PDCD1LG2: variants seen among roughly 807,000 people sequenced by gnomAD.
PDCD1LG2 encodes the protein programmed cell death 1 ligand 2.
A neutral mutation model predicts 28.2 loss-of-function variants in PDCD1LG2; 32 were observed. The observed-to-expected ratio is 1.13, with a 90% CI of 0.86 to 1.52. The LOEUF is 1.52. Ranked by LOEUF, PDCD1LG2 falls within the 40% of genes most tolerant of loss-of-function variation. PDCD1LG2 has a pLI of 0.00. For synonymous variants in PDCD1LG2, 116 were observed against 120.2 expected (o/e 0.97, Z 0.23); for missense variants, 385 against 323.8 (o/e 1.19, Z -1.45).
intron 3 of PDCD1LG2, among the ~76,000 whole-genome samples, chr9:5,548,712 T>C (rs1816261095): frequency 6.6e-6 from 1 of 152,202 alleles, no homozygotes; most frequent in African/African-American, 2.4e-5. Flanking sequence ...TGTATCTGCA[T>C]GTGTTAGGGA....
At chr9:5,565,372 TG>T (rs1329123631) in intron 6 of PDCD1LG2, among the ~76,000 whole-genome samples, 1 of 152,096 alleles carries the variant, frequency 6.6e-6, no homozygotes, top group Non-Finnish European at 1.5e-5. Context: ...TTTGTAGAAC[TG>T]GGGTCTCACT....
At chr9:5,514,926 G>C (rs540340417) in intron 1 of PDCD1LG2, among the ~76,000 whole-genome samples, 1 of 152,278 alleles carries the variant, frequency 6.6e-6, no homozygotes, top group Admixed American at 6.5e-5. Flanking sequence ...AGGTAGCCCT[G>C]AGTGAGTCTT....
At chr9:5,564,383 T>A (rs1257646346) in intron 6 of PDCD1LG2, among the ~76,000 whole-genome samples, 1 of 152,194 alleles carries the variant, frequency 6.6e-6, no homozygotes, top group Non-Finnish European at 1.5e-5. Flanking sequence ...AATGAATATC[T>A]GAGTAAATCT....
chr9:5,539,314 A>C (rs1037629907), intron 3 of PDCD1LG2, among the ~76,000 whole-genome samples: 2 of 152,198 alleles, frequency 1.3e-5, no homozygotes, highest in African/African-American at 2.4e-5. Context: ...CAGGGTCTCT[A>C]AAAGAAGCAA....
intron 6 of PDCD1LG2, among the ~76,000 whole-genome samples, chr9:5,568,494 C>T (rs1816710105): frequency 6.6e-6 from 1 of 152,176 alleles, no homozygotes. Context: ...CTATAGCCTA[C>T]CCCCACTCCC....
chr9:5,522,388 A>G (rs1193993436), intron 1 of PDCD1LG2, 145 bp from the exon 2 acceptor site: 2 of 582,956 alleles, frequency 3.4e-6, no homozygotes, highest in Non-Finnish European at 3.1e-6. Flanking sequence ...AAATCAACCT[A>G]TAACTTCTCC....
intron 5 of PDCD1LG2, among the ~76,000 whole-genome samples, chr9:5,560,372 T>G (rs566736656): frequency 6.6e-6 from 1 of 152,366 alleles, no homozygotes; most frequent in African/African-American, 2.4e-5. Flanking sequence ...GCCCTGGTTT[T>G]GAGCAGTTGC....
chr9:5,519,417 C>T (rs1166380905), intron 1 of PDCD1LG2, among the ~76,000 whole-genome samples: 1 of 152,160 alleles, frequency 6.6e-6, no homozygotes, highest in Non-Finnish European at 1.5e-5. Context: ...CCTTCAGGGT[C>T]AGCAAGGCCC....
intron 3 of PDCD1LG2, among the ~76,000 whole-genome samples, chr9:5,538,164 T>C (rs964386795): frequency 6.6e-6 from 1 of 152,144 alleles, no homozygotes; most frequent in South Asian, 2.1e-4. Flanking sequence ...ATTGAATAGA[T>C]TAGGTTCCTT....
intron 3 of PDCD1LG2, among the ~76,000 whole-genome samples, chr9:5,546,477 G>T (rs569918972): frequency 6.0e-4 from 91 of 152,262 alleles, no homozygotes; most frequent in South Asian, 2.7e-3. Flanking sequence ...ACACACTTCG[G>T]GTACTGTTTG....
chr9:5,529,300 G>C (rs1820437988), intron 2 of PDCD1LG2, among the ~76,000 whole-genome samples: 1 of 152,076 alleles, frequency 6.6e-6, no homozygotes, highest in Non-Finnish European at 1.5e-5. Context: ...TATATGTAAG[G>C]TTTATAATCC....
At chr9:5,521,664 T>G (rs1820277415) in intron 1 of PDCD1LG2, among the ~76,000 whole-genome samples, 1 of 152,182 alleles carries the variant, frequency 6.6e-6, no homozygotes. Context: ...TGAGGTTCTA[T>G]CATTCTCCTG....
chr9:5,539,845 C>G (rs547317344), intron 3 of PDCD1LG2, among the ~76,000 whole-genome samples: 5 of 152,302 alleles, frequency 3.3e-5, no homozygotes, highest in African/African-American at 1.2e-4. Flanking sequence ...GACAGAAGTA[C>G]TTCAAACCAG....
chr9:5,534,140 G>GGAA (rs1820534213), intron 2 of PDCD1LG2, among the ~76,000 whole-genome samples: 1 of 151,992 alleles, frequency 6.6e-6, no homozygotes, highest in Non-Finnish European at 1.5e-5. Flanking sequence ...CTGGCTTCTG[G>GGAA]GAAGAAGCTC....
chr9:5,522,401 C>T (rs1820292423), intron 1 of PDCD1LG2, 132 bp from the exon 2 acceptor site: 3 of 618,778 alleles, frequency 4.8e-6, no homozygotes, highest in African/African-American at 1.9e-5. Flanking sequence ...ACTTCTCCTC[C>T]CAGCTCCACT....
At chr9:5,543,744 C>T (rs1480000075) in intron 3 of PDCD1LG2, among the ~76,000 whole-genome samples, 3 of 152,014 alleles carry the variant, frequency 2.0e-5, no homozygotes, top group Non-Finnish European at 4.4e-5. Context: ...GTAAGAAAAT[C>T]GGAGTCAAGA....
chr9:5,541,552 A>G (rs1820686125), intron 3 of PDCD1LG2, among the ~76,000 whole-genome samples: 2 of 152,060 alleles, frequency 1.3e-5, no homozygotes, highest in South Asian at 4.1e-4. Context: ...GCTCTGCTAT[A>G]CACCAACATC....
In PDCD1LG2 at chr9:5,570,453, C is replaced by T. The variant is rs748836467; in HGVS notation, c.*494C>T. On this transcript the variant is annotated 3_prime_UTR_variant, in exon 7 of 7. Coordinates refer to ENST00000397747, the MANE Select transcript of PDCD1LG2 (RefSeq NM_025239.4). ...TCACAGACAGGGCTTCGCACAAACTCAAATCATAATTGACATGTTTTATGG... is the reference window on the plus strand; with the variant it reads ...TCACAGACAGGGCTTCGCACAAACTTAAATCATAATTGACATGTTTTATGG... 1.3e-5 allele frequency: 3 copies of T among 234,332 alleles called. No individual in the cohort carries two copies. In the Admixed American group the frequency reaches 1.7e-4, roughly 13 times the overall value. 14.5% of individuals were successfully genotyped at this position (234,332 alleles called of 1,614,324 possible). A position where few individuals can be genotyped will look rare whatever the true frequency, so the allele number is the denominator to read the frequency against.
At chr9:5,525,772 G>A (rs570003536) in intron 2 of PDCD1LG2, among the ~76,000 whole-genome samples, 7 of 152,080 alleles carry the variant, frequency 4.6e-5, no homozygotes, top group Non-Finnish European at 1.0e-4. Flanking sequence ...GAAGAGGCCG[G>A]GCATGGTGGC....
Sources: allele counts gnomAD v4.1 joint callset (sites outside exome capture counted in the v4.1 genomes callset), GRCh38; gene constraint gnomAD v4.1.1; transcripts MANE v1.5; gene names NCBI Gene and HGNC (gene_info 2026-07-23, HGNC 2026-07-21).